SPOCK3: variants seen among roughly 807,000 people sequenced by gnomAD.
SPOCK3 encodes SPARC (osteonectin), cwcv and kazal like domains proteoglycan 3.
Under a neutral mutation model 56.6 loss-of-function variants are expected in SPOCK3, and 30 were observed. The observed-to-expected ratio is 0.53, with a 90% confidence interval of 0.40 to 0.72. The LOEUF (loss-of-function observed/expected upper bound fraction) is 0.72, where lower values mean the gene tolerates loss of function less well. SPOCK3 is among the 30% of genes least tolerant of loss of function. SPOCK3 has a pLI of 0.00. For synonymous variants in SPOCK3, 196 were observed against 183.3 expected (o/e 1.07, Z -0.56); for missense variants, 527 against 530.0 (o/e 0.99, Z 0.06).
At chr4:166,883,609 A>G (rs1211045829) in intron 6 of SPOCK3, among the ~76,000 whole-genome samples, 2 of 152,310 alleles carry the variant, frequency 1.3e-5, no homozygotes. Flanking sequence ...GTGGGTCCCA[A>G]TAAAGAATAA....
At chr4:167,130,393 TG>T (rs1047221021) in intron 2 of SPOCK3, among the ~76,000 whole-genome samples, 2 of 152,134 alleles carry the variant, frequency 1.3e-5, no homozygotes, top group Non-Finnish European at 2.9e-5. Context: ...ACATAACTAG[TG>T]GGTAATATAT....
intron 2 of SPOCK3, among the ~76,000 whole-genome samples, chr4:167,158,299 C>T (rs953394253): frequency 2.6e-5 from 4 of 151,840 alleles, no homozygotes; most frequent in Non-Finnish European, 5.9e-5. Context: ...TCATCACCCC[C>T]AAGAATGGTC....
At chr4:166,971,738 C>A (rs375682169) in intron 4 of SPOCK3, among the ~76,000 whole-genome samples, 2 of 151,962 alleles carry the variant, frequency 1.3e-5, no homozygotes, top group Non-Finnish European at 2.9e-5. Flanking sequence ...GCATTCCCTA[C>A]GTATGTATTT....
At chr4:166,953,716 G>A (rs1321684205) in intron 4 of SPOCK3, among the ~76,000 whole-genome samples, 12 of 152,222 alleles carry the variant, frequency 7.9e-5, no homozygotes, top group East Asian at 5.8e-4. Context: ...CTGGATTAAG[G>A]AAATGTGGCA....
intron 4 of SPOCK3, among the ~76,000 whole-genome samples, chr4:166,962,283 C>A (rs914230340): frequency 2.0e-5 from 3 of 152,110 alleles, no homozygotes; most frequent in Non-Finnish European, 2.9e-5. Context: ...GTCTACCACA[C>A]TGCTTATAAG....
At chr4:167,121,526 A>T (rs1761865478) in intron 2 of SPOCK3, among the ~76,000 whole-genome samples, 1 of 152,174 alleles carries the variant, frequency 6.6e-6, no homozygotes, top group African/African-American at 2.4e-5. Context: ...CTCGGAGCTA[A>T]ATCAAGTGAT....
chr4:167,023,033 A>G (rs1402114535), intron 3 of SPOCK3, among the ~76,000 whole-genome samples: 1 of 151,958 alleles, frequency 6.6e-6, no homozygotes, highest in African/African-American at 2.4e-5. Context: ...CATGTACACA[A>G]TGATTGTGGT....
At chr4:166,833,898 T>A (rs924082421) in intron 6 of SPOCK3, among the ~76,000 whole-genome samples, 3 of 152,308 alleles carry the variant, frequency 2.0e-5, no homozygotes, top group South Asian at 2.1e-4. Context: ...GTTCTTCTGC[T>A]CAAGAGCGGT....
At chr4:167,008,432 A>G (rs1749678326) in intron 3 of SPOCK3, among the ~76,000 whole-genome samples, 1 of 152,110 alleles carries the variant, frequency 6.6e-6, no homozygotes, top group Admixed American at 6.6e-5. Context: ...TTGTAGCATA[A>G]AAGGCTATGG....
At chr4:167,228,486 C>A (rs953945023) in intron 2 of SPOCK3, among the ~76,000 whole-genome samples, 2 of 152,262 alleles carry the variant, frequency 1.3e-5, no homozygotes, top group Admixed American at 6.5e-5. Context: ...CTGACAGAGT[C>A]TGATAATGTG....
At chr4:166,783,075 T>TTGGTGGGGCA (rs1186829809) in intron 7 of SPOCK3, among the ~76,000 whole-genome samples, 1 of 152,120 alleles carries the variant, frequency 6.6e-6, no homozygotes, top group Non-Finnish European at 1.5e-5. Context: ...TGAAGTAGAT[T>TTGGTGGGGCA]TGGTGGGGCA....
At chr4:167,021,065 C>T (rs894708034) in intron 3 of SPOCK3, among the ~76,000 whole-genome samples, 4 of 151,518 alleles carry the variant, frequency 2.6e-5, no homozygotes, top group African/African-American at 7.3e-5. Context: ...CTATTGAAAC[C>T]GATTGATAAA....
chr4:166,862,272 C>T (rs1283416129), intron 6 of SPOCK3, among the ~76,000 whole-genome samples: 1 of 151,506 alleles, frequency 6.6e-6, no homozygotes, highest in East Asian at 1.9e-4. Flanking sequence ...GCTTTTGTGC[C>T]TTGGGATGTT....
At chr4:167,038,642 G>A (rs1199912309) in intron 3 of SPOCK3, among the ~76,000 whole-genome samples, 5 of 123,954 alleles carry the variant, frequency 4.0e-5, no homozygotes, top group African/African-American at 1.5e-4. Flanking sequence ...AGAGCGTGGT[G>A]CATGTTTTGT....
intron 2 of SPOCK3, among the ~76,000 whole-genome samples, chr4:167,064,449 T>C (rs1016590256): frequency 6.6e-6 from 1 of 151,852 alleles, no homozygotes; most frequent in Non-Finnish European, 1.5e-5. Context: ...TCTTGGAAAA[T>C]TAGACTTTCA....
At chr4:167,096,366 T>C (rs1179296405) in intron 2 of SPOCK3, among the ~76,000 whole-genome samples, 3 of 151,984 alleles carry the variant, frequency 2.0e-5, no homozygotes, top group Non-Finnish European at 4.4e-5. Flanking sequence ...AATTTAGAAT[T>C]ATCTTTGATG....
intron 6 of SPOCK3, among the ~76,000 whole-genome samples, chr4:166,807,469 T>G (rs1027098575): frequency 5.9e-5 from 9 of 152,170 alleles, no homozygotes; most frequent in African/African-American, 2.2e-4. Context: ...GCTGTTGCTA[T>G]GCATGTTGTG....
intron 6 of SPOCK3, among the ~76,000 whole-genome samples, chr4:166,811,530 T>A (rs923445685): frequency 3.3e-5 from 5 of 151,838 alleles, no homozygotes; most frequent in African/African-American, 9.7e-5. Flanking sequence ...TCATCTTTGA[T>A]ATTGATTTCT....
chr4:167,192,125 A>T (rs1732519563), intron 2 of SPOCK3, among the ~76,000 whole-genome samples: 1 of 146,090 alleles, frequency 6.8e-6, no homozygotes, highest in African/African-American at 2.6e-5. Flanking sequence ...TTCCAAAGAT[A>T]AATCTTATTT....
Sources: gnomAD v4.1 joint callset for allele counts (sites outside exome capture counted in the v4.1 genomes callset) on GRCh38, gnomAD v4.1.1 for gene constraint, MANE v1.5 for transcripts, NCBI Gene and HGNC (gene_info 2026-07-23, HGNC 2026-07-21) for gene names.